IFT88: variants seen among roughly 807,000 people sequenced by gnomAD.
IFT88 encodes the protein intraflagellar transport 88.
IFT88 carries 74 observed loss-of-function variants against 119.5 expected under a neutral mutation model. The observed-to-expected ratio is 0.62, with a 90% confidence interval of 0.51 to 0.75. The LOEUF is 0.75. IFT88 is among the 30% of genes least tolerant of loss of function. The probability of loss-of-function intolerance (pLI) is 0.00; values close to 1 mark genes in which losing one functional copy is unlikely to be tolerated. For synonymous variants in IFT88, 279 were observed against 316.7 expected, an observed-to-expected ratio of 0.88 and a Z score of 1.26; for missense variants, 961 against 977.7, an observed-to-expected ratio of 0.98 and a Z score of 0.23.
Position 20,592,340 on chromosome 13 carries a change from G to A in IFT88, c.334G>A (p.Ala112Thr), listed in dbSNP as rs1444046708. The part of the protein sequence containing the change: ...GFTKAALRGS[A>T]FDPLSQSRGP... ...ACTCTTGAATTGTGTCTCAGGCTCT[G>A]CATTTGACCCCCTTAGTCAGTCAAG... is the stretch of plus-strand genomic sequence containing the variant. Residue 112 changes from alanine (A) to threonine (T), a missense_variant, in exon 7 of 26, where the codon GCA becomes ACA. Ala to Thr is a moderately conservative substitution (Grantham distance 58, BLOSUM62 0). Transcript: ENST00000351808. The A allele has an allele frequency of 6.2e-7, 1 of 1,609,164 alleles. No individual in the cohort carries two copies. The highest frequency in any genetic ancestry group is 1.7e-4 in the Middle Eastern group (1 of 6,052).
At chr13:20,685,195 A>G (rs1478988139) in intron 24 of IFT88, among the ~76,000 whole-genome samples, 3 of 152,206 alleles carry the variant, frequency 2.0e-5, no homozygotes, top group African/African-American at 7.2e-5. Context: ...ACACGTTGTT[A>G]AGACACAGGC....
At chr13:20,609,134 C>T (rs1043147446) in intron 13 of IFT88, among the ~76,000 whole-genome samples, 3 of 152,140 alleles carry the variant, frequency 2.0e-5, no homozygotes, top group Non-Finnish European at 4.4e-5. Context: ...TGCGTTAGGA[C>T]TGGCTTATGG....
intron 13 of IFT88, among the ~76,000 whole-genome samples, 158 bp downstream of exon 13, chr13:20,605,263 A>G (rs1594103557): frequency 6.6e-6 from 1 of 152,320 alleles, no homozygotes; most frequent in East Asian, 1.9e-4. Context: ...AACTTGTTAT[A>G]TTCAATATAT....
chr13:20,686,276 T>C (rs1255734008), intron 24 of IFT88, among the ~76,000 whole-genome samples: 4 of 152,236 alleles, frequency 2.6e-5, no homozygotes, highest in African/African-American at 4.8e-5. Context: ...CTTTTTACTT[T>C]TCTCTAAGCA....
chr13:20,640,358 G>A (rs1032501176), intron 17 of IFT88, among the ~76,000 whole-genome samples: 3 of 151,204 alleles, frequency 2.0e-5, no homozygotes, highest in African/African-American at 4.9e-5. Flanking sequence ...CGGATCATGA[G>A]GTCAGGAGAT....
chr13:20,649,297 A>G (rs142782357), intron 20 of IFT88, among the ~76,000 whole-genome samples: 1 of 152,322 alleles, frequency 6.6e-6, no homozygotes, highest in Non-Finnish European at 1.5e-5. Context: ...TTGAACTCAT[A>G]CAAATTATCT....
At chr13:20,568,139 CAT>C in intron 1 of IFT88, 2 of 578,786 alleles carry the variant, frequency 3.5e-6, no homozygotes, top group Middle Eastern at 8.7e-4. Context: ...GTAGACTGTC[CAT>C]AGTCAGTAGA....
chr13:20,606,591 A>G (rs1197308489), intron 13 of IFT88, among the ~76,000 whole-genome samples: 1 of 152,186 alleles, frequency 6.6e-6, no homozygotes, highest in Non-Finnish European at 1.5e-5. Flanking sequence ...ATTAAGAATC[A>G]TTGTTTGCTG....
At chr13:20,621,526 TAAAAAAAAAAAAAAAAAAAAAAA>T in intron 14 of IFT88, among the ~76,000 whole-genome samples, 1 of 130,796 alleles carries the variant, frequency 7.6e-6, no homozygotes, top group South Asian at 2.2e-4. Context: ...CCTGCTGAGA[TAAAAAAAAAAAAAAAAAAAAAAA>T]AAAAAAAAGA....
chr13:20,676,630 G>GT (rs1201891944), intron 24 of IFT88, among the ~76,000 whole-genome samples: 2 of 152,108 alleles, frequency 1.3e-5, no homozygotes, highest in African/African-American at 4.8e-5. Flanking sequence ...GTTGAATTTT[G>GT]TTTTTTTAAA....
chr13:20,639,495 G>A (rs1369894442), intron 17 of IFT88, among the ~76,000 whole-genome samples: 1 of 152,150 alleles, frequency 6.6e-6, no homozygotes, highest in African/African-American at 2.4e-5. Flanking sequence ...TGAAGAATAG[G>A]GGAGGCAAGA....
intron 22 of IFT88, among the ~76,000 whole-genome samples, chr13:20,661,135 G>T (rs1345211125): frequency 2.0e-5 from 3 of 152,176 alleles, no homozygotes; most frequent in African/African-American, 7.2e-5. Flanking sequence ...GTTAATAAAT[G>T]AGATAACTGA....
Position 20,605,076 on chromosome 13 carries a change from T to C in IFT88, c.1083T>C (p.Asn361=). The change falls in exon 13 of 26, where the codon AAT becomes AAC. Residue 361 remains asparagine, a synonymous_variant. Coordinates refer to ENST00000351808, the MANE Select transcript of IFT88 (RefSeq NM_006531.5). ...ACTTAGTAACTGAAGCTATAAAAAA[T>C]GATCACCTCAGGCAAATGGAACGTG... ...HTNLVTEAIK[N]DHLRQMERER... is the part of the protein sequence containing the mutation. 2 of 1,511,008 alleles carry C rather than the reference T, an allele frequency of 1.3e-6. No individual in the cohort carries two copies. Among genetic ancestry groups the C allele is most frequent in the Non-Finnish European group, 1.8e-6 (2 of 1,089,546 alleles). 93.6% of individuals were successfully genotyped at this position (1,511,008 alleles called of 1,614,324 possible).
At chr13:20,607,332 T>C in intron 13 of IFT88, 1 of 500,006 alleles carries the variant, frequency 2.0e-6, no homozygotes, top group East Asian at 5.1e-5. Flanking sequence ...TCAGTGCACG[T>C]CAGCTTCTGG....
chr13:20,597,754 A>T (rs11617184), intron 9 of IFT88, among the ~76,000 whole-genome samples: 4,204 of 142,482 alleles, frequency 0.03, 188 homozygotes, highest in African/African-American at 0.096. Context: ...TCAAAAAAAA[A>T]ATATATATAT....
chr13:20,640,622 G>A (rs2049778701), intron 17 of IFT88, among the ~76,000 whole-genome samples: 1 of 143,606 alleles, frequency 7.0e-6, no homozygotes, highest in Non-Finnish European at 1.5e-5. Context: ...ACAAATTAAT[G>A]TATAGTCAGT....
intron 7 of IFT88, among the ~76,000 whole-genome samples, 179 bp from the exon 8 acceptor site, chr13:20,595,971 C>T (rs1017464905): frequency 6.6e-6 from 1 of 152,034 alleles, no homozygotes; most frequent in Admixed American, 6.6e-5. Flanking sequence ...ATGACCTGAG[C>T]CCAGGAGTCA....
intron 24 of IFT88, among the ~76,000 whole-genome samples, chr13:20,671,981 C>T (rs1381866654): frequency 6.6e-6 from 1 of 152,024 alleles, no homozygotes; most frequent in Non-Finnish European, 1.5e-5. Flanking sequence ...TGCTAAGAGC[C>T]AAGGACATGG....
At chr13:20,667,966 A>G (rs2055028111) in intron 23 of IFT88, among the ~76,000 whole-genome samples, 1 of 152,060 alleles carries the variant, frequency 6.6e-6, no homozygotes, top group Non-Finnish European at 1.5e-5. Context: ...AACTACCCTC[A>G]CTAAGATTAG....
Sources: allele counts gnomAD v4.1 joint callset (sites outside exome capture counted in the v4.1 genomes callset), GRCh38; gene constraint gnomAD v4.1.1; transcripts MANE v1.5; gene names NCBI Gene and HGNC (gene_info 2026-07-23, HGNC 2026-07-21).